Variants in MARCHF3 observed in about 807,000 individuals in gnomAD.
MARCHF3 encodes the protein E3 ubiquitin-protein ligase MARCHF3.
Under a neutral mutation model 24.2 loss-of-function variants are expected in MARCHF3, and 13 were observed. The observed-to-expected ratio is 0.54, with a 90% CI of 0.35 to 0.85. The LOEUF (loss-of-function observed/expected upper bound fraction) is 0.85. Ranked by LOEUF, MARCHF3 falls within the 40% of genes least tolerant of loss-of-function variation. The pLI is 0.01. For missense variants in MARCHF3, 276 were observed against 325.0 expected (o/e 0.85, Z 1.16); for synonymous variants, 144 against 137.3 (o/e 1.05, Z -0.34).
In MARCHF3 at chr5:126,926,816, G is replaced by A. The variant is rs139071125; in HGVS notation, c.-56-8589C>T. 1.2e-3 allele frequency among the ~76,000 whole-genome samples: 179 copies of A among 151,786 alleles called. No homozygotes were observed. In the Middle Eastern group the frequency reaches 0.031, roughly 26 times the overall value. ...GAGGTAGGTGTGGGCCTGGCAGGTAGAGGACTTTTGATAATGGGAAGTAGT... is the reference window on the plus strand; with the variant it reads ...GAGGTAGGTGTGGGCCTGGCAGGTAAAGGACTTTTGATAATGGGAAGTAGT... On this transcript the variant is annotated intron_variant, in intron 1 of 4. Coordinates refer to ENST00000308660, the MANE Select transcript of MARCHF3 (RefSeq NM_178450.5).
intron 1 of MARCHF3, among the ~76,000 whole-genome samples, chr5:126,979,349 A>C (rs1168082653): frequency 2.6e-5 from 4 of 152,240 alleles, no homozygotes; most frequent in African/African-American, 9.6e-5. Context: ...CTGGGTATTC[A>C]GAGTATGTCA....
intron 1 of MARCHF3, among the ~76,000 whole-genome samples, chr5:127,027,729 T>C (rs1272408966): frequency 6.6e-6 from 1 of 152,232 alleles, no homozygotes; most frequent in Non-Finnish European, 1.5e-5. Context: ...TACCTATAAA[T>C]TTCACAAGGC....
rs529494475 is a variant in MARCHF3, at chr5:127,005,798, T to C, written c.-57+24552A>G. Among the ~76,000 whole-genome samples, 5 of 152,028 alleles carry C rather than the reference T, an allele frequency of 3.3e-5. No individual in the cohort carries two copies. In the East Asian group the frequency reaches 9.6e-4, roughly 29 times the overall value. ...ATGTCATGTTCATGCATACTTAACA[T>C]ACATTTATGTACATACATGTAGATA... On this transcript the variant is annotated intron_variant, in intron 1 of 4. Transcript: ENST00000308660.
At position 126,908,618 on chromosome 5, in the gene MARCHF3, C is replaced by G. The variant is rs572410941; in HGVS notation, c.393+6312G>C. On this transcript the variant is annotated intron_variant, in intron 3 of 4. Transcript: ENST00000308660. ...TTTCTTCCAGTTGATCGCATCGGCT[C>G]CTGAGGCTTCTGCATTCTTCATGTT... Among the ~76,000 whole-genome samples the G allele has an allele frequency of 1.3e-3, 203 of 152,152 alleles. 2 individuals are homozygous for G. The highest frequency in any genetic ancestry group is 4.7e-3 in the African/African-American group (194 of 41,458).
At chr5:126,975,585 A>G (rs1207852878) in intron 1 of MARCHF3, among the ~76,000 whole-genome samples, 1 of 152,214 alleles carries the variant, frequency 6.6e-6, no homozygotes, top group African/African-American at 2.4e-5. Flanking sequence ...CATCAGCCGC[A>G]TTCTGCTAAT....
intron 3 of MARCHF3, among the ~76,000 whole-genome samples, chr5:126,900,447 G>A (rs1439678889): frequency 2.0e-5 from 3 of 152,018 alleles, no homozygotes; most frequent in African/African-American, 7.3e-5. Context: ...CAGAGAACTA[G>A]CTCTTCCCGT....
chr5:127,000,546 C>T (rs1330922647), intron 1 of MARCHF3, among the ~76,000 whole-genome samples: 1 of 152,176 alleles, frequency 6.6e-6, no homozygotes, highest in African/African-American at 2.4e-5. Context: ...ACAATCTTCA[C>T]TCCACAGACT....
intron 3 of MARCHF3, among the ~76,000 whole-genome samples, chr5:126,900,625 T>C (rs1345663151): frequency 6.6e-6 from 1 of 151,622 alleles, no homozygotes; most frequent in Non-Finnish European, 1.5e-5. Context: ...ATTTCATTTA[T>C]AGTAGCCAGA....
intron 3 of MARCHF3, among the ~76,000 whole-genome samples, chr5:126,903,628 CGTGT>C (rs955288545): frequency 6.6e-6 from 1 of 150,490 alleles, no homozygotes; most frequent in South Asian, 2.1e-4. Flanking sequence ...ACCTAAGTCT[CGTGT>C]GTGTATATAT....
chr5:126,872,545 T>C (rs760781643), intron 4 of MARCHF3, among the ~76,000 whole-genome samples: 2 of 152,036 alleles, frequency 1.3e-5, no homozygotes, highest in Non-Finnish European at 2.9e-5. Flanking sequence ...GCTGTTTAAT[T>C]ATCTGGGAGT....
At chr5:126,968,606 C>T (rs113868236) in intron 1 of MARCHF3, among the ~76,000 whole-genome samples, 3 of 152,228 alleles carry the variant, frequency 2.0e-5, no homozygotes, top group Non-Finnish European at 2.9e-5. Context: ...GGCAGAGTCT[C>T]GCTCTGTTGC....
At chr5:126,897,045 A>ATTTTTTTTTTTTTTTTTTTTTTTT (rs759577287) in intron 3 of MARCHF3, among the ~76,000 whole-genome samples, 13 of 116,438 alleles carry the variant, frequency 1.1e-4, no homozygotes, top group African/African-American at 1.8e-4. Flanking sequence ...AAGTTTGAGA[A>ATTTTTTTTTTTTTTTTTTTTTTTT]TTTTTTTTTT....
At position 126,874,431 on chromosome 5, in the gene MARCHF3, A is replaced by T. The variant is rs1753076370; in HGVS notation, c.604-3640T>A. Reference sequence around the variant, plus strand: ...GAGAAACCCCGTCTCTACTAAAAATACAAAATTAGCTGGGCGTGGTGGCAC... The same window carrying T: ...GAGAAACCCCGTCTCTACTAAAAATTCAAAATTAGCTGGGCGTGGTGGCAC... On this transcript the variant is annotated intron_variant, in intron 4 of 4. Transcript: ENST00000308660. Among the ~76,000 whole-genome samples the T allele has an allele frequency of 2.6e-5, 4 of 152,110 alleles. No individual in the cohort carries two copies. The South Asian group carries it at 6.2e-4, about 24-fold the overall frequency.
chr5:126,956,753 A>C (rs920441007), intron 1 of MARCHF3, among the ~76,000 whole-genome samples: 2 of 151,878 alleles, frequency 1.3e-5, no homozygotes, highest in Non-Finnish European at 2.9e-5. Flanking sequence ...CTTAACCTGC[A>C]TCCCAATCCA....
At chr5:127,021,724 C>A (rs1240149386) in intron 1 of MARCHF3, among the ~76,000 whole-genome samples, 1 of 151,982 alleles carries the variant, frequency 6.6e-6, no homozygotes, top group African/African-American at 2.4e-5. Context: ...AGAAACAACA[C>A]AACTTAATTA....
At chr5:126,973,447 A>G (rs992365823) in intron 1 of MARCHF3, among the ~76,000 whole-genome samples, 1 of 152,252 alleles carries the variant, frequency 6.6e-6, no homozygotes, top group African/African-American at 2.4e-5. Context: ...ATCCAGAAGT[A>G]TAGCTTCCAC....
intron 3 of MARCHF3, among the ~76,000 whole-genome samples, chr5:126,913,800 T>A (rs1314143282): frequency 6.6e-6 from 1 of 152,166 alleles, no homozygotes; most frequent in Non-Finnish European, 1.5e-5. Context: ...TATTAAATAG[T>A]CTACAAGAAG....
At position 126,911,276 on chromosome 5, in the gene MARCHF3, G is replaced by A. The variant is rs539756539; in HGVS notation, c.393+3654C>T. Among the ~76,000 whole-genome samples the A allele has an allele frequency of 2.6e-5, 4 of 152,052 alleles. No individual in the cohort carries two copies. The East Asian group carries it at 5.8e-4, about 22-fold the overall frequency. ...GATCTCTGTGACCCACACCCTTTTC[G>A]TAGACTCCCTCCCCTTTTGAAAATC... On this transcript the variant is annotated intron_variant, in intron 3 of 4. Coordinates refer to ENST00000308660, the MANE Select transcript of MARCHF3 (RefSeq NM_178450.5).
At chr5:126,933,445 C>CTTT (rs1452737485) in intron 1 of MARCHF3, among the ~76,000 whole-genome samples, 3 of 137,954 alleles carry the variant, frequency 2.2e-5, no homozygotes, top group Non-Finnish European at 4.8e-5. Context: ...TTTGGTATCT[C>CTTT]TTTTTTTTTT....
Sources: allele counts gnomAD v4.1 joint callset (sites outside exome capture counted in the v4.1 genomes callset), GRCh38; gene constraint gnomAD v4.1.1; transcripts MANE v1.5; gene names NCBI Gene and HGNC (gene_info 2026-07-23, HGNC 2026-07-21).